TPCN2: variants seen among roughly 807,000 people sequenced by gnomAD.
TPCN2 encodes two pore channel protein 2.
A neutral mutation model predicts 111.4 loss-of-function variants in TPCN2; 92 were observed. The ratio of observed to expected loss-of-function variants is 0.83; its 90% CI spans 0.70 to 0.98. TPCN2 has a LOEUF of 0.98. Among genes scored for constraint, TPCN2 ranks in the 50% least tolerant of loss-of-function variants. The pLI, the probability that TPCN2 is intolerant of heterozygous loss-of-function variation, is 0.00. For synonymous variants in TPCN2, 405 were observed against 414.5 expected (o/e 0.98, Z 0.28); for missense variants, 995 against 980.1 (o/e 1.02, Z -0.20).
At position 69,090,428 on chromosome 11, in the gene TPCN2, A is replaced by C. The variant is rs11228488; in HGVS notation, c.*2475A>C. 1 of 151,948 alleles carries C rather than the reference A, an allele frequency of 6.6e-6. No individual in the cohort carries two copies. Among genetic ancestry groups the C allele is most frequent in the Non-Finnish European group, 1.5e-5 (1 of 67,994 alleles). 9.4% of individuals were successfully genotyped at this position (151,948 alleles called of 1,614,324 possible). ...ATCCGACTGGGGCTTTGACTCCCAC[A>C]CTGTGTACCCCTCTTGTGTGGACGC... On this transcript the variant is annotated 3_prime_UTR_variant, in exon 25 of 25. Transcript: ENST00000294309.
At chr11:69,083,703 G>GT (rs1186727356) in intron 18 of TPCN2, among the ~76,000 whole-genome samples, 10 of 152,254 alleles carry the variant, frequency 6.6e-5, no homozygotes, top group Admixed American at 6.5e-4. Context: ...GTGCGAATGC[G>GT]TGTGGGTAGA....
chr11:69,073,850 C>T (rs926043675), intron 13 of TPCN2, among the ~76,000 whole-genome samples: 5 of 152,174 alleles, frequency 3.3e-5, no homozygotes, highest in Non-Finnish European at 7.4e-5. Flanking sequence ...GCCAGCCTCT[C>T]CCTGTGTCCT....
In TPCN2 at chr11:69,069,795, ACCGT is replaced by A. The variant is rs1334680080; in HGVS notation, c.830-633_830-630del. Among the ~76,000 whole-genome samples, 2 of 148,850 alleles carry A rather than the reference ACCGT, an allele frequency of 1.3e-5. 1 individual carries two copies. Among genetic ancestry groups the A allele is most frequent in the African/African-American group, 4.9e-5 (2 of 40,530 alleles). ...AGGAAGTGACCGCACTGGGAGCAGG[ACCGT>A]CTGAGTCCTAGGAAGTGACTGCAGG... On this transcript the variant is annotated intron_variant, in intron 8 of 24. Coordinates refer to ENST00000294309, the MANE Select transcript of TPCN2 (RefSeq NM_139075.4).
At chr11:69,085,969 C>T (rs1398065256) in intron 22 of TPCN2, 39 bp downstream of exon 22, 1 of 1,584,090 alleles carries the variant, frequency 6.3e-7, no homozygotes, top group Non-Finnish European at 8.6e-7. Context: ...ATTCTCCGTG[C>T]AGCCTGGGGG....
chr11:69,073,314 G>C (rs758663512), intron 13 of TPCN2, among the ~76,000 whole-genome samples: 153 of 152,226 alleles, frequency 1.0e-3, no homozygotes, highest in Non-Finnish European at 1.7e-3. Flanking sequence ...TCCACACACT[G>C]GTCCTCTCCA....
intron 8 of TPCN2, among the ~76,000 whole-genome samples, chr11:69,070,075 AGTGCAGTG>A (rs1472967276): frequency 6.8e-6 from 1 of 146,936 alleles, no homozygotes; most frequent in Non-Finnish European, 1.5e-5. Flanking sequence ...CCCAGACTGG[AGTGCAGTG>A]GTGCAGTCTC....
At chr11:69,087,640 A>G (rs1389376320) in intron 24 of TPCN2, among the ~76,000 whole-genome samples, 1 of 152,098 alleles carries the variant, frequency 6.6e-6, no homozygotes, top group Non-Finnish European at 1.5e-5. Flanking sequence ...GCTGCAGCCA[A>G]GCCCTGCGGT....
At position 69,074,006 on chromosome 11, in the gene TPCN2, A is replaced by C. The variant is rs145036064; in HGVS notation, c.1230+1005A>C. On this transcript the variant is annotated intron_variant, in intron 13 of 24. Coordinates refer to ENST00000294309, the MANE Select transcript of TPCN2 (RefSeq NM_139075.4). ...ATTCTAATGGCCTTGTTTTAACTAA[A>C]TTACCTTTTAAAAGGCCCTGTCTCC... is the stretch of plus-strand genomic sequence containing the variant. 5.2e-4 allele frequency among the ~76,000 whole-genome samples: 79 copies of C among 152,302 alleles called. No individual in the cohort carries two copies. The East Asian group carries it at 0.01, about 20-fold the overall frequency.
Position 69,070,382 on chromosome 11 carries a change from G to A in TPCN2, c.830-48G>A, listed in dbSNP as rs374784476. On this transcript the variant is annotated intron_variant, in intron 8 of 24. Transcript: ENST00000294309. ...TAGTGTAGCGTCAGGATGGGAGTGGGATCAGGTACTGAGGTTGTCAGTTTC... is the reference window on the plus strand; with the variant it reads ...TAGTGTAGCGTCAGGATGGGAGTGGAATCAGGTACTGAGGTTGTCAGTTTC... 9.1e-6 allele frequency: 13 copies of A among 1,429,402 alleles called. No homozygotes were observed. The African/African-American group carries it at 1.7e-4, about 19-fold the overall frequency. The allele number at this position is 1,429,402 out of a possible 1,614,324, so 88.5% of individuals were successfully genotyped here. A position where few individuals can be genotyped will look rare whatever the true frequency, so the allele number is the denominator to read the frequency against.
intron 7 of TPCN2, among the ~76,000 whole-genome samples, chr11:69,066,736 C>T (rs1855287862): frequency 1.3e-5 from 2 of 152,216 alleles, no homozygotes; most frequent in Non-Finnish European, 2.9e-5. Flanking sequence ...CGCTGTGCCA[C>T]CTGCCCCCAC....
intron 24 of TPCN2, 120 bp from the exon 25 acceptor site, chr11:69,087,755 C>T (rs1856342188): frequency 2.8e-6 from 2 of 706,752 alleles, no homozygotes; most frequent in Non-Finnish European, 4.8e-6. Context: ...CCCCGTGTCT[C>T]TGTGTCCCTG....
chr11:69,049,285 G>C (rs1861105624), intron 1 of TPCN2, among the ~76,000 whole-genome samples, 179 bp downstream of exon 1: 1 of 152,174 alleles, frequency 6.6e-6, no homozygotes, highest in Admixed American at 6.5e-5. Flanking sequence ...AGTGGGCTGC[G>C]TCCTGCGGAC....
In TPCN2 at chr11:69,081,448, G is replaced by C; in HGVS notation, c.1638G>C (p.Met546Ile). The C allele has an allele frequency of 6.3e-7, 1 of 1,575,150 alleles. No individual in the cohort carries two copies. The highest frequency in any genetic ancestry group is 8.6e-7 in the Non-Finnish European group (1 of 1,160,270). The change falls in exon 18 of 25, where the codon ATG becomes ATC. Residue 546 changes from methionine (M) to isoleucine (I), a missense_variant. Physicochemically the swap from Met to Ile is conservative, Grantham distance 10 (BLOSUM62 1). Coordinates refer to ENST00000294309, the MANE Select transcript of TPCN2 (RefSeq NM_139075.4). Reference protein sequence around the residue: ...GLLSLWDMTRMLNMLIVFRFL... With the variant: ...GLLSLWDMTRILNMLIVFRFL... ...TGTCGCTGTGGGACATGACCCGCAT[G>C]CTGAACATGCTCATCGTGTTCCGCT...
chr11:69,077,495 G>T (rs1222371004), intron 13 of TPCN2, among the ~76,000 whole-genome samples: 1 of 152,220 alleles, frequency 6.6e-6, no homozygotes, highest in Admixed American at 6.5e-5. Flanking sequence ...TATCGAGGAG[G>T]ATGTCGGGAG....
At chr11:69,075,777 G>T (rs1020857994) in intron 13 of TPCN2, among the ~76,000 whole-genome samples, 1 of 152,182 alleles carries the variant, frequency 6.6e-6, no homozygotes, top group Non-Finnish European at 1.5e-5. Context: ...CAGAGAAGGT[G>T]CCCTGCCTGC....
intron 4 of TPCN2, among the ~76,000 whole-genome samples, chr11:69,056,170 G>A (rs1405185848): frequency 1.3e-5 from 2 of 152,248 alleles, no homozygotes. Context: ...GGCCCTGGCT[G>A]CAGCCCTCCT....
At chr11:69,055,373 T>C (rs1343370234) in intron 4 of TPCN2, 21 bp downstream of exon 4, 1 of 1,585,370 alleles carries the variant, frequency 6.3e-7, no homozygotes, top group East Asian at 2.2e-5. Context: ...CGCCAGGCCC[T>C]CTACGTGCTG....
chr11:69,063,592 G>C (rs1855122760), intron 6 of TPCN2, among the ~76,000 whole-genome samples: 1 of 152,088 alleles, frequency 6.6e-6, no homozygotes, highest in African/African-American at 2.4e-5. Context: ...AGCTCAGGTG[G>C]ATGGAAGTGG....
intron 4 of TPCN2, among the ~76,000 whole-genome samples, chr11:69,055,770 C>T (rs1590705886): frequency 6.6e-6 from 1 of 152,114 alleles, no homozygotes; most frequent in South Asian, 2.1e-4. Context: ...TCAGGGGTTG[C>T]GCAGGCTGAC....
Sources: allele counts gnomAD v4.1 joint callset (sites outside exome capture counted in the v4.1 genomes callset), GRCh38; gene constraint gnomAD v4.1.1; transcripts MANE v1.5; gene names NCBI Gene and HGNC (gene_info 2026-07-23, HGNC 2026-07-21).